The following ANK2 variants were observed in gnomAD, a reference collection of about 807,000 sequenced individuals.
The protein encoded by ANK2 is ankyrin 2, also known as ankyrin-2.
ANK2 carries 83 observed loss-of-function variants against 360.5 expected under a neutral mutation model. The observed-to-expected ratio is 0.23, with a 90% confidence interval of 0.19 to 0.28. ANK2 has a LOEUF of 0.28. Ranked by LOEUF, ANK2 falls within the 10% of genes least tolerant of loss-of-function variation. ANK2 has a pLI of 1.00. For missense variants in ANK2, 4,201 were observed against 4,795.7 expected (o/e 0.88, Z 3.66); for synonymous variants, 1,740 against 1,759.5 (o/e 0.99, Z 0.28).
chr4:113,061,978 C>T lies in ANK2; in HGVS notation c.84+12166C>T, dbSNP rs527298643. On this transcript the variant is annotated intron_variant, in intron 1 of 45. Transcript: ENST00000357077. ...ATCTTATGTAACCCATAAACATATA[C>T]ACTTATTATGTACCCACACAAATTA... Among the ~76,000 whole-genome samples the T allele has an allele frequency of 4.1e-3, 625 of 152,066 alleles. 5 individuals carry two copies. The highest frequency in any genetic ancestry group is 0.027 in the Middle Eastern group (8 of 294).
chr4:113,323,818 T>A lies in ANK2; in HGVS notation c.2900+5198T>A, dbSNP rs188803616. ...AGGTGAACTACTGCATAATTCTTTC[T>A]CTGAACATGTTGCCTATTCCTCTCC... is the stretch of plus-strand genomic sequence containing the variant. On this transcript the variant is annotated intron_variant, in intron 26 of 45. Transcript: ENST00000357077. The A allele has an allele frequency of 4.4e-6, 7 of 1,605,184 alleles. No individual in the cohort carries two copies. The East Asian group carries it at 6.7e-5, about 15-fold the overall frequency.
intron 1 of ANK2, among the ~76,000 whole-genome samples, chr4:112,863,668 G>A (rs1560840971): frequency 6.6e-6 from 1 of 151,786 alleles, no homozygotes; most frequent in Non-Finnish European, 1.5e-5. Flanking sequence ...GACTGCAGGC[G>A]CCAGCCACCA....
intron 2 of ANK2, among the ~76,000 whole-genome samples, chr4:113,182,665 T>G (rs540415452): frequency 3.3e-5 from 5 of 152,294 alleles, no homozygotes; most frequent in African/African-American, 9.6e-5. Flanking sequence ...AAAATGCTGT[T>G]GATCCAATAA....
chr4:113,373,158 C>A lies in ANK2; in HGVS notation c.11679C>A (p.His3893Gln). 1 of 1,614,014 alleles carries A rather than the reference C, an allele frequency of 6.2e-7. No individual in the cohort carries two copies. The highest frequency in any genetic ancestry group is 8.5e-7 in the Non-Finnish European group (1 of 1,179,884). The change falls in exon 44 of 46, where the codon CAC becomes CAA. Residue 3893 changes from histidine (H) to glutamine (Q), a missense_variant. By Grantham distance (24) the His-to-Gln change is conservative (BLOSUM62 0). This residue lies in a region of ANK2 where 2,642 missense variants were observed against 2,714.5 expected (regional missense o/e 0.97). Transcript: ENST00000357077. ...TEEEYIDEHG[H>Q]TVVKKVTRKI... ...AAGAATACATTGATGAGCATGGACA[C>A]ACCGTGGTAAAGAAGGTATTGTCTA...
intron 2 of ANK2, among the ~76,000 whole-genome samples, chr4:113,028,003 C>T (rs1441512194): frequency 6.6e-6 from 1 of 152,096 alleles, no homozygotes. Flanking sequence ...TTCAAATATT[C>T]TTCTACTCTG....
the ANK2 span, among the ~76,000 whole-genome samples, chr4:112,782,638 G>T: frequency 6.6e-6 from 1 of 151,968 alleles, no homozygotes; most frequent in South Asian, 2.1e-4. Flanking sequence ...AGGCCGAGAT[G>T]GGTGGATCAC....
intron 1 of ANK2, among the ~76,000 whole-genome samples, chr4:113,069,141 AAGGTGAGGTAAGCAC>A (rs2076655996): frequency 6.6e-6 from 1 of 152,132 alleles, no homozygotes; most frequent in Non-Finnish European, 1.5e-5. Flanking sequence ...CTGGAAGTAA[AAGGTGAGGTAAGCAC>A]AGAAGAGATT....
Position 113,381,643 on chromosome 4 carries a change from G to C in ANK2, c.*172G>C, listed in dbSNP as rs2097175437. 5.8e-6 allele frequency: 9 copies of C among 1,546,226 alleles called. No individual in the cohort carries two copies. The highest frequency in any genetic ancestry group is 7.8e-6 in the Non-Finnish European group (9 of 1,147,106). ...ACTTGAAGCAAGAGGCCAAGTGAGG[G>C]GCTGCCCAGTTCTCACACCAGAAAC... On this transcript the variant is annotated 3_prime_UTR_variant, in exon 46 of 46. Coordinates refer to ENST00000357077, the MANE Select transcript of ANK2 (RefSeq NM_001148.6).
chr4:112,942,641 G>T (rs2094309968), intron 2 of ANK2, among the ~76,000 whole-genome samples: 1 of 151,416 alleles, frequency 6.6e-6, no homozygotes, highest in South Asian at 2.1e-4. Flanking sequence ...TATTTATTGG[G>T]ATTAAAAAGA....
chr4:113,210,966 A>T (rs574427968), intron 4 of ANK2, among the ~76,000 whole-genome samples: 1 of 152,234 alleles, frequency 6.6e-6, no homozygotes, highest in Non-Finnish European at 1.5e-5. Flanking sequence ...CTAAATTTGC[A>T]TTCAAATAAA....
chr4:113,154,942 C>G (rs1394705085), intron 1 of ANK2, among the ~76,000 whole-genome samples: 1 of 152,174 alleles, frequency 6.6e-6, no homozygotes, highest in Non-Finnish European at 1.5e-5. Context: ...TGGTCTTAAC[C>G]ACTTCATCTG....
intron 4 of ANK2, among the ~76,000 whole-genome samples, chr4:113,205,917 C>T (rs190065106): frequency 4.9e-4 from 75 of 152,252 alleles, no homozygotes; most frequent in Admixed American, 2.7e-3. Context: ...TGTTCTGTGA[C>T]ATATGCACAG....
chr4:112,845,694 G>A (rs2063135554), intron 1 of ANK2, among the ~76,000 whole-genome samples: 2 of 152,144 alleles, frequency 1.3e-5, no homozygotes, highest in Admixed American at 1.3e-4. Context: ...GTGTCTGTGT[G>A]GGTTTAATAT....
At chr4:112,808,612 A>G in the ANK2 span, among the ~76,000 whole-genome samples, 2 of 152,170 alleles carry the variant, frequency 1.3e-5, no homozygotes, top group Non-Finnish European at 2.9e-5. Context: ...GAAGACAGAA[A>G]CACCTGTGGT....
the ANK2 span, among the ~76,000 whole-genome samples, chr4:112,781,385 C>T: frequency 6.6e-6 from 1 of 152,144 alleles, no homozygotes; most frequent in African/African-American, 2.4e-5. Context: ...CAGGCATGAG[C>T]CACCACACCC....
chr4:112,840,584 A>G (rs2061883388), intron 1 of ANK2, among the ~76,000 whole-genome samples: 1 of 152,198 alleles, frequency 6.6e-6, no homozygotes, highest in Non-Finnish European at 1.5e-5. Context: ...GTGTCCAAAG[A>G]GGAAGAATAT....
chr4:113,183,423 G>C (rs2098454986), intron 2 of ANK2, among the ~76,000 whole-genome samples: 3 of 152,140 alleles, frequency 2.0e-5, no homozygotes, highest in Non-Finnish European at 4.4e-5. Flanking sequence ...ATCACATGGA[G>C]AGTTATATAT....
chr4:113,345,904 G>T lies in ANK2; in HGVS notation c.4253G>T (p.Arg1418Leu). ...ENRLPLFVKV[R>L]DTTQEPCGRL... ...TGTATGTCTTTCTTGTTCAAGGTAC[G>T]CGATACGACTCAGGAACCTTGCGGA... Residue 1418 changes from arginine (R) to leucine (L), a missense_variant, in exon 35 of 46, where the codon CGC becomes CTC. By Grantham distance (102) the Arg-to-Leu change is moderately radical. Transcript: ENST00000357077. 6.2e-7 allele frequency: 1 copy of T among 1,613,374 alleles called. No individual in the cohort carries two copies. Among genetic ancestry groups the T allele is most frequent in the Non-Finnish European group, 8.5e-7 (1 of 1,179,476 alleles).
the ANK2 span, among the ~76,000 whole-genome samples, chr4:112,745,788 C>T: frequency 3.5e-3 from 535 of 152,240 alleles, 5 homozygotes; most frequent in African/African-American, 0.012. Flanking sequence ...CTGCCCTGGC[C>T]TCCCAAAGTG....
Sources: allele counts gnomAD v4.1 joint callset (sites outside exome capture counted in the v4.1 genomes callset), GRCh38; gene constraint gnomAD v4.1.1; regional missense constraint gnomAD v4.1.1; transcripts MANE v1.5; gene names NCBI Gene and HGNC (gene_info 2026-07-23, HGNC 2026-07-21).